Variants in EPHA6 observed in about 807,000 individuals in gnomAD.
EPHA6 encodes the protein ephrin type-A receptor 6.
EPHA6 carries 50 observed loss-of-function variants against 112.0 expected under a neutral mutation model. The ratio of observed to expected loss-of-function variants is 0.45; its 90% CI spans 0.36 to 0.56. The LOEUF is 0.56. Ranked by LOEUF, EPHA6 falls within the 20% of genes least tolerant of loss-of-function variation. The pLI, the probability that EPHA6 is intolerant of heterozygous loss-of-function variation, is 0.00. For synonymous variants in EPHA6, 529 were observed against 490.7 expected, an observed-to-expected ratio of 1.08 and a Z score of -1.03; for missense variants, 1,280 against 1,417.4, an observed-to-expected ratio of 0.90 and a Z score of 1.56.
At chr3:96,940,935 C>T (rs561405062) in intron 2 of EPHA6, among the ~76,000 whole-genome samples, 1 of 152,348 alleles carries the variant, frequency 6.6e-6, no homozygotes, top group South Asian at 2.1e-4. Context: ...TCCCCACTCT[C>T]TTCTGGCTTG....
intron 1 of EPHA6, among the ~76,000 whole-genome samples, chr3:96,841,155 C>T (rs1345285860): frequency 3.3e-5 from 5 of 152,006 alleles, no homozygotes; most frequent in Non-Finnish European, 2.9e-5. Flanking sequence ...TGGAACAACT[C>T]GAGGTGAAGG....
At chr3:97,466,344 T>A in intron 7 of EPHA6, 1 of 1,604,948 alleles carries the variant, frequency 6.2e-7, no homozygotes, top group East Asian at 2.2e-5. Flanking sequence ...ATATATAAAG[T>A]CCTGCATCGC....
chr3:97,050,807 G>T (rs2045661726), intron 3 of EPHA6, among the ~76,000 whole-genome samples: 1 of 152,150 alleles, frequency 6.6e-6, no homozygotes, highest in Non-Finnish European at 1.5e-5. Context: ...TTCTTTTGTT[G>T]AGTACTACCT....
chr3:97,533,049 ATTC>A (rs1323704391), intron 11 of EPHA6, among the ~76,000 whole-genome samples: 4 of 152,004 alleles, frequency 2.6e-5, no homozygotes, highest in African/African-American at 9.6e-5. Context: ...TCAAGTAAAA[ATTC>A]TTCTTTCACA....
In EPHA6 at chr3:97,063,234, T is replaced by C. The variant is rs141507697; in HGVS notation, c.1114+75241T>C. Reference sequence around the variant, plus strand: ...CAATGGAATATAAATCTTTCTATTATAAAGATGCATGCATGTGTATGTTCA... The same window carrying C: ...CAATGGAATATAAATCTTTCTATTACAAAGATGCATGCATGTGTATGTTCA... On this transcript the variant is annotated intron_variant, in intron 3 of 17. Coordinates refer to ENST00000389672, the MANE Select transcript of EPHA6 (RefSeq NM_001080448.3). 6.4e-3 allele frequency among the ~76,000 whole-genome samples: 977 copies of C among 152,232 alleles called. 8 individuals are homozygous for C. Among genetic ancestry groups the C allele is most frequent in the African/African-American group, 0.021 (885 of 41,524 alleles).
At chr3:97,482,256 C>A (rs1276771378) in intron 9 of EPHA6, among the ~76,000 whole-genome samples, 1 of 152,136 alleles carries the variant, frequency 6.6e-6, no homozygotes, top group Non-Finnish European at 1.5e-5. Flanking sequence ...GTTATCTGTG[C>A]CTAGCATAAT....
At chr3:96,905,653 G>A (rs2038893057) in intron 2 of EPHA6, among the ~76,000 whole-genome samples, 1 of 151,774 alleles carries the variant, frequency 6.6e-6, no homozygotes, top group Non-Finnish European at 1.5e-5. Context: ...TTGTGGAAAA[G>A]CTTGTAACTT....
intron 5 of EPHA6, among the ~76,000 whole-genome samples, chr3:97,371,904 T>G (rs1014787529): frequency 6.6e-6 from 1 of 152,130 alleles, no homozygotes; most frequent in Non-Finnish European, 1.5e-5. Flanking sequence ...CCAGGCTTAT[T>G]AGGATGAGGA....
chr3:97,330,654 A>C (rs1027867158), intron 5 of EPHA6, among the ~76,000 whole-genome samples: 1 of 152,124 alleles, frequency 6.6e-6, no homozygotes, highest in Non-Finnish European at 1.5e-5. Flanking sequence ...AAAGAAGGCT[A>C]TTACATAATG....
At chr3:96,851,465 G>A (rs952768422) in intron 1 of EPHA6, among the ~76,000 whole-genome samples, 2 of 152,090 alleles carry the variant, frequency 1.3e-5, no homozygotes, top group African/African-American at 2.4e-5. Context: ...TCTTAGAATA[G>A]CTTTCTGATA....
chr3:96,852,961 G>A (rs996106872), intron 1 of EPHA6, among the ~76,000 whole-genome samples: 3 of 152,000 alleles, frequency 2.0e-5, no homozygotes, highest in African/African-American at 7.3e-5. Flanking sequence ...TATATCAGAG[G>A]ATATACCAGA....
chr3:97,570,200 G>T (rs1031243828), intron 11 of EPHA6, among the ~76,000 whole-genome samples: 2 of 152,076 alleles, frequency 1.3e-5, no homozygotes, highest in Non-Finnish European at 2.9e-5. Flanking sequence ...AAATATGAGG[G>T]ATTCATAGAA....
intron 5 of EPHA6, among the ~76,000 whole-genome samples, chr3:97,378,399 G>C (rs774052224): frequency 1.3e-5 from 2 of 152,198 alleles, no homozygotes; most frequent in Non-Finnish European, 2.9e-5. Flanking sequence ...AGGGCAGTGC[G>C]AAAGGGAAAT....
chr3:96,948,699 A>T (rs1442778330), intron 2 of EPHA6, among the ~76,000 whole-genome samples: 3 of 152,178 alleles, frequency 2.0e-5, no homozygotes, highest in Non-Finnish European at 4.4e-5. Flanking sequence ...AGAAATTTGT[A>T]CGTATATAGC....
rs748395650 is a variant in EPHA6 at position 97,735,955 on chromosome 3, C to T, written c.2965C>T (p.Leu989Phe). ...TCTGTCCATTGAAGAAGGGTACAGA[C>T]TTCCAGCTCCCATGGGCTGTCCAGC... ...VILSIEEGYR[L>F]PAPMGCPASL... The change falls in exon 16 of 18, where the codon CTT becomes TTT. Residue 989 changes from leucine (L) to phenylalanine (F), a missense_variant. Physicochemically the swap from Leu to Phe is conservative, Grantham distance 22 (BLOSUM62 0). Transcript: ENST00000389672. The T allele has an allele frequency of 6.2e-7, 1 of 1,612,078 alleles. No individual in the cohort carries two copies. The highest frequency in any genetic ancestry group is 1.1e-5 in the South Asian group (1 of 90,888).
At chr3:97,418,635 C>T (rs1408427602) in intron 6 of EPHA6, among the ~76,000 whole-genome samples, 1 of 151,384 alleles carries the variant, frequency 6.6e-6, no homozygotes, top group African/African-American at 2.4e-5. Context: ...TAGAGATAAA[C>T]AAAAAGAGGG....
At chr3:97,594,525 G>A (rs2093571015) in intron 12 of EPHA6, among the ~76,000 whole-genome samples, 1 of 152,018 alleles carries the variant, frequency 6.6e-6, no homozygotes. Context: ...CACTTTTCCT[G>A]GCTTATATCA....
At chr3:97,330,492 A>G (rs540324940) in intron 5 of EPHA6, among the ~76,000 whole-genome samples, 1 of 152,088 alleles carries the variant, frequency 6.6e-6, no homozygotes, top group African/African-American at 2.4e-5. Flanking sequence ...CTTTTATTTC[A>G]TTGAGCAGTG....
intron 14 of EPHA6, among the ~76,000 whole-genome samples, chr3:97,679,382 T>G (rs961984471): frequency 2.0e-5 from 3 of 152,130 alleles, no homozygotes; most frequent in Non-Finnish European, 4.4e-5. Context: ...ATTTGAAGTG[T>G]GTGGGTTCCT....
Sources: gnomAD v4.1 joint callset for allele counts (sites outside exome capture counted in the v4.1 genomes callset) on GRCh38, gnomAD v4.1.1 for gene constraint, MANE v1.5 for transcripts, NCBI Gene and HGNC (gene_info 2026-07-23, HGNC 2026-07-21) for gene names.